The following TSC22D3 variants were observed in gnomAD, a reference collection of about 807,000 sequenced individuals.
TSC22D3 encodes the protein TSC22 domain family protein 3.
Under a neutral mutation model 11.1 loss-of-function variants are expected in TSC22D3, and 4 were observed. That is an observed-to-expected ratio of 0.36 (90% CI 0.18 to 0.83). TSC22D3 has a LOEUF of 0.83. TSC22D3 is among the 40% of genes least tolerant of loss of function. The pLI is 0.48. For synonymous variants in TSC22D3, 77 were observed against 70.3 expected, an observed-to-expected ratio of 1.10 and a Z score of -0.48; for missense variants, 118 against 159.4, an observed-to-expected ratio of 0.74 and a Z score of 1.40.
At chrX:107,738,835 C>A (rs1171447604) in intron 1 of TSC22D3, among the ~76,000 whole-genome samples, 1 of 112,239 alleles carries the variant, frequency 8.9e-6, no homozygotes, top group Admixed American at 9.3e-5. Context: ...CCACCCCCAC[C>A]CTTGTTGCCA....
chrX:107,717,379 C>T (rs993605224), intron 1 of TSC22D3, among the ~76,000 whole-genome samples: 1 of 112,789 alleles, frequency 8.9e-6, no homozygotes, highest in Non-Finnish European at 1.9e-5. Context: ...CTTCAGGTGG[C>T]AGCCAGCATG....
chrX:107,775,646 C>A lies in TSC22D3; in HGVS notation c.-227G>T. On this transcript the variant is annotated 5_prime_UTR_variant, in exon 1 of 3. In the 5' UTR this introduces an upstream ATG that the reference lacks. Coordinates refer to ENST00000372383, the MANE Select transcript of TSC22D3 (RefSeq NM_198057.3). ...CTGGACAAACAGCTCCGAGCGGATC[C>A]TTCGGGCTCACTTCCTCCTCTTCCT... The A allele has an allele frequency of 3.2e-6, 1 of 312,065 alleles. No homozygotes were observed. Among genetic ancestry groups the A allele is most frequent in the Non-Finnish European group, 5.6e-6 (1 of 179,282 alleles). 25.7% of individuals were successfully genotyped at this position (312,065 alleles called of 1,213,427 possible). A position where few individuals can be genotyped will look rare whatever the true frequency, so the allele number is the denominator to read the frequency against.
At chrX:107,725,965 C>G (rs917594138) in intron 1 of TSC22D3, among the ~76,000 whole-genome samples, 1 of 111,835 alleles carries the variant, frequency 8.9e-6, no homozygotes, top group South Asian at 3.8e-4. Context: ...TGTCACTGCC[C>G]GGTCAAACCT....
At chrX:107,758,435 A>G (rs1347551640) in intron 1 of TSC22D3, among the ~76,000 whole-genome samples, 3 of 111,615 alleles carry the variant, frequency 2.7e-5, no homozygotes, top group East Asian at 5.6e-4. Flanking sequence ...ATGCAGTGAA[A>G]TGTACCAGAT....
At chrX:107,742,281 AAGAG>A (rs764889060) in intron 1 of TSC22D3, among the ~76,000 whole-genome samples, 3,687 of 56,712 alleles carry the variant, frequency 0.065, 127 homozygotes, top group African/African-American at 0.11. Context: ...GAGAGAGAGA[AAGAG>A]AGAGAGAGAG....
intron 1 of TSC22D3, among the ~76,000 whole-genome samples, chrX:107,762,591 T>C (rs754026554): frequency 2.4e-3 from 271 of 111,325 alleles, no homozygotes; most frequent in Non-Finnish European, 4.2e-3. Flanking sequence ...TTTTATCCAA[T>C]TCTTTATCTC....
chrX:107,737,374 T>C (rs144685158), intron 1 of TSC22D3, among the ~76,000 whole-genome samples: 1,807 of 111,947 alleles, frequency 0.016, 35 homozygotes, highest in African/African-American at 0.055. Context: ...CCCAGCTTTG[T>C]CACACAGGGG....
intron 1 of TSC22D3, among the ~76,000 whole-genome samples, chrX:107,765,590 A>C (rs905497122): frequency 3.5e-5 from 4 of 112,991 alleles, no homozygotes; most frequent in Non-Finnish European, 7.5e-5. Context: ...ACAAGGCCGA[A>C]TGAGGTGCTG....
At chrX:107,720,010 G>A (rs997680489) in intron 1 of TSC22D3, among the ~76,000 whole-genome samples, 2 of 111,200 alleles carry the variant, frequency 1.8e-5, no homozygotes, top group Admixed American at 9.6e-5. Context: ...AGAATGGAAC[G>A]TGTAGGAGAG....
At chrX:107,752,777 A>C (rs1928992224) in intron 1 of TSC22D3, among the ~76,000 whole-genome samples, 1 of 111,743 alleles carries the variant, frequency 8.9e-6, no homozygotes, top group African/African-American at 3.3e-5. Context: ...GAGCCTAATG[A>C]GGTTGCCAAG....
intron 1 of TSC22D3, among the ~76,000 whole-genome samples, chrX:107,724,403 A>G (rs2147730550): frequency 8.8e-6 from 1 of 113,323 alleles, no homozygotes; most frequent in African/African-American, 3.2e-5. Context: ...ACTGACAAGG[A>G]ATACACACAA....
chrX:107,746,972 C>G (rs757852197), intron 1 of TSC22D3, among the ~76,000 whole-genome samples: 1 of 112,846 alleles, frequency 8.9e-6, no homozygotes, highest in Non-Finnish European at 1.9e-5. Context: ...GGCCTATAGA[C>G]AAGACACCAG....
At chrX:107,771,371 G>A (rs1485922079) in intron 1 of TSC22D3, among the ~76,000 whole-genome samples, 1 of 112,138 alleles carries the variant, frequency 8.9e-6, no homozygotes, top group Non-Finnish European at 1.9e-5. Flanking sequence ...GATCATTTGA[G>A]ATCAGGAGAT....
intron 1 of TSC22D3, among the ~76,000 whole-genome samples, chrX:107,741,946 G>C (rs1928416992): frequency 9.0e-6 from 1 of 111,713 alleles, no homozygotes; most frequent in African/African-American, 3.3e-5. Flanking sequence ...CTTTGATAAA[G>C]CACTTGGCAG....
rs182897104 is a variant in TSC22D3, at chrX:107,719,757, G to A, written c.321-3807C>T. Among the ~76,000 whole-genome samples, 12 of 111,639 alleles carry A rather than the reference G, an allele frequency of 1.1e-4. 1 individual carries two copies. In the East Asian group the frequency reaches 3.1e-3, roughly 29 times the overall value. ...AGTGGTAAGGAAGAAGAAAGGGTGA[G>A]AAGCAGCAGCCCTACTATTAGAGAG... On this transcript the variant is annotated intron_variant, in intron 1 of 2. Coordinates refer to ENST00000372383, the MANE Select transcript of TSC22D3 (RefSeq NM_198057.3).
At chrX:107,738,453 C>T (rs1484136931) in intron 1 of TSC22D3, among the ~76,000 whole-genome samples, 2 of 112,704 alleles carry the variant, frequency 1.8e-5, no homozygotes, top group African/African-American at 3.2e-5. Context: ...AGGCTGGGAG[C>T]ACAGCCCAGG....
At chrX:107,773,218 C>A (rs139278902) in intron 1 of TSC22D3, among the ~76,000 whole-genome samples, 1,182 of 112,377 alleles carry the variant, frequency 0.011, 20 homozygotes, top group African/African-American at 0.036. Context: ...AACCAGGATG[C>A]TCCCGAGGTG....
chrX:107,735,798 ACGAGTTGGCTTCTTC>A (rs1928110744), intron 1 of TSC22D3, among the ~76,000 whole-genome samples: 1 of 109,143 alleles, frequency 9.2e-6, no homozygotes, highest in Non-Finnish European at 1.9e-5. Flanking sequence ...ACCCATACCA[ACGAGTTGGCTTCTTC>A]CCTGAATGCA....
At chrX:107,733,960 A>G (rs761082110) in intron 1 of TSC22D3, among the ~76,000 whole-genome samples, 1 of 111,902 alleles carries the variant, frequency 8.9e-6, no homozygotes, top group African/African-American at 3.2e-5. Context: ...CTCAACCCGG[A>G]GAATGGGCTG....
Sources: allele counts gnomAD v4.1 joint callset (sites outside exome capture counted in the v4.1 genomes callset), GRCh38; gene constraint gnomAD v4.1.1; transcripts MANE v1.5; gene names NCBI Gene and HGNC (gene_info 2026-07-23, HGNC 2026-07-21).